Variants in FKBP5 observed in about 807,000 individuals in gnomAD.
The protein encoded by FKBP5 is FKBP prolyl isomerase 5, also known as peptidyl-prolyl cis-trans isomerase FKBP5.
A neutral mutation model predicts 50.5 loss-of-function variants in FKBP5; 23 were observed. The observed-to-expected ratio is 0.46, with a 90% CI of 0.33 to 0.65. FKBP5 has a LOEUF of 0.65. Among genes scored for constraint, FKBP5 ranks in the 30% least tolerant of loss-of-function variants. The pLI, the probability that FKBP5 is intolerant of heterozygous loss-of-function variation, is 0.02. For missense variants in FKBP5, 411 were observed against 553.1 expected (o/e 0.74, Z 2.58); for synonymous variants, 176 against 190.6 (o/e 0.92, Z 0.63).
chr6:35,635,322 G>A (rs1195221701), intron 3 of FKBP5, among the ~76,000 whole-genome samples: 1 of 152,076 alleles, frequency 6.6e-6, no homozygotes, highest in African/African-American at 2.4e-5. Flanking sequence ...GGGCAACAGA[G>A]CGAGCCAGAC....
intron 5 of FKBP5, among the ~76,000 whole-genome samples, chr6:35,601,732 G>A (rs1005816182): frequency 1.3e-5 from 2 of 152,090 alleles, no homozygotes; most frequent in African/African-American, 2.4e-5. Flanking sequence ...GGCTCAGGAG[G>A]TCTGTTGCTA....
rs184522629 is a variant in FKBP5, at chr6:35,701,444, C to T, written c.-20+18884G>A. 2.5e-3 allele frequency among the ~76,000 whole-genome samples: 386 copies of T among 151,658 alleles called. 3 individuals are homozygous for T. Among genetic ancestry groups the T allele is most frequent in the African/African-American group, 8.6e-3 (355 of 41,366 alleles). On this transcript the variant is annotated intron_variant, in intron 2 of 11. Coordinates refer to the FKBP5 transcript ENST00000536438. ...ATTTTTAGTAGAGACGGGGTTTCAC[C>T]GTTTTAGCCGGGATGGTCTCGATCT...
chr6:35,718,020 C>A (rs1214297153), intron 2 of FKBP5, among the ~76,000 whole-genome samples: 2 of 152,224 alleles, frequency 1.3e-5, no homozygotes, highest in African/African-American at 4.8e-5. Flanking sequence ...CCCTGGAAGG[C>A]TGTGCCCTAG....
At chr6:35,583,606 C>G (rs1762510819) in intron 8 of FKBP5, 4 of 972,762 alleles carry the variant, frequency 4.1e-6, no homozygotes, top group Non-Finnish European at 3.7e-6. Context: ...CCTGGCAGGT[C>G]TGGAGGCATT....
In FKBP5 at chr6:35,640,523, G is replaced by A. The variant is rs1358237027; in HGVS notation, c.105+2197C>T. ...GCCTAGGATATTACCATACACTACC[G>A]TAGACTTTATAAACACTGGACACCT... On this transcript the variant is annotated intron_variant, in intron 2 of 10. Transcript: ENST00000357266. Among the ~76,000 whole-genome samples the A allele has an allele frequency of 4.6e-5, 7 of 152,174 alleles. No individual in the cohort carries two copies. In the East Asian group the frequency reaches 5.8e-4, roughly 13 times the overall value.
At chr6:35,693,406 G>T (rs886752735), upstream of FKBP5, among the ~76,000 whole-genome samples, 1 of 151,654 alleles carries the variant, frequency 6.6e-6, no homozygotes, top group Non-Finnish European at 1.5e-5. Flanking sequence ...CTCCTGATCC[G>T]CCCGCCTCGG....
At chr6:35,718,241 A>C (rs1581904701) in intron 2 of FKBP5, among the ~76,000 whole-genome samples, 1 of 152,206 alleles carries the variant, frequency 6.6e-6, no homozygotes, top group Non-Finnish European at 1.5e-5. Flanking sequence ...AAAGGCACAG[A>C]GGCGGGAAAA....
At chr6:35,665,445 A>G (rs1314600787) in intron 1 of FKBP5, among the ~76,000 whole-genome samples, 3 of 151,700 alleles carry the variant, frequency 2.0e-5, no homozygotes, top group Non-Finnish European at 4.4e-5. Context: ...GTGCCACCAC[A>G]CCCAGCTAAT....
At chr6:35,718,089 A>T (rs1158442086) in intron 2 of FKBP5, among the ~76,000 whole-genome samples, 1 of 152,146 alleles carries the variant, frequency 6.6e-6, no homozygotes, top group Non-Finnish European at 1.5e-5. Flanking sequence ...GGAGACCTGG[A>T]TGACACCACT....
In FKBP5 at chr6:35,580,068, C is replaced by T; in HGVS notation, c.994G>A (p.Glu332Lys). ...CAGCATTCAACAGCTTTGGTGTATT[C>T]TCTAAGCTTCAGGTAGCACATGGCC... ...NLAMCYLKLREYTKAVECCDK... is the reference protein window; with the variant it reads ...NLAMCYLKLRKYTKAVECCDK... The change falls in exon 9 of 11, where the codon GAA (glutamate) becomes AAA (lysine). Residue 332 changes from glutamate (E) to lysine (K), a missense_variant. By Grantham distance (56) the Glu-to-Lys change is moderately conservative. This residue lies in a region of FKBP5 where 267 missense variants were observed against 405.9 expected (regional missense o/e 0.66). Coordinates refer to ENST00000357266, the MANE Select transcript of FKBP5 (RefSeq NM_004117.4). 6.2e-7 allele frequency: 1 copy of T among 1,614,160 alleles called. No individual in the cohort carries two copies. Among genetic ancestry groups the T allele is most frequent in the Non-Finnish European group, 8.5e-7 (1 of 1,179,992 alleles).
chr6:35,597,464 G>C, intron 5 of FKBP5, 60 bp from the exon 6 acceptor site: 1 of 1,545,450 alleles, frequency 6.5e-7, no homozygotes, highest in Non-Finnish European at 8.7e-7. Flanking sequence ...CTAATTCAGT[G>C]AAGTGATAAA....
At chr6:35,584,378 TC>T (rs759097562) in intron 8 of FKBP5, 3 of 985,336 alleles carry the variant, frequency 3.0e-6, no homozygotes, top group Non-Finnish European at 3.6e-6. Flanking sequence ...AACCAACAGA[TC>T]AATGGAAACA....
chr6:35,728,094 C>T (rs1766757912), intron 1 of FKBP5, among the ~76,000 whole-genome samples: 1 of 152,212 alleles, frequency 6.6e-6, no homozygotes, highest in Non-Finnish European at 1.5e-5. Context: ...CCTGGGCCCG[C>T]TGCCAGCGCG....
chr6:35,677,449 T>C (rs1440944711), intron 1 of FKBP5, among the ~76,000 whole-genome samples: 1 of 152,190 alleles, frequency 6.6e-6, no homozygotes, highest in Non-Finnish European at 1.5e-5. Context: ...AGTCTTCAAA[T>C]AAACCCAAAG....
intron 2 of FKBP5, among the ~76,000 whole-genome samples, chr6:35,707,648 G>A (rs1340246260): frequency 6.6e-6 from 1 of 152,034 alleles, no homozygotes; most frequent in Non-Finnish European, 1.5e-5. Context: ...TTGTCATCCA[G>A]GTACTAAGTT....
At chr6:35,689,045 T>C (rs1234154108), upstream of FKBP5, 1 of 151,770 alleles carries the variant, frequency 6.6e-6, no homozygotes, top group Admixed American at 6.6e-5. Flanking sequence ...GCGCGGGCTG[T>C]CGATCCGCCT....
At chr6:35,598,009 G>A (rs1427834564) in intron 5 of FKBP5, among the ~76,000 whole-genome samples, 1 of 152,120 alleles carries the variant, frequency 6.6e-6, no homozygotes, top group African/African-American at 2.4e-5. Context: ...TGTAAAGTGT[G>A]AAAGAATCAA....
chr6:35,665,512 A>G (rs1765191250), intron 1 of FKBP5, among the ~76,000 whole-genome samples: 1 of 151,998 alleles, frequency 6.6e-6, no homozygotes, highest in Non-Finnish European at 1.5e-5. Flanking sequence ...AATGGTCTCA[A>G]TCTCTTGACT....
At chr6:35,642,637 A>ACCCCAG (rs1449158397) in intron 2 of FKBP5, 83 bp downstream of exon 2, 1 of 1,020,742 alleles carries the variant, frequency 9.8e-7, no homozygotes, top group East Asian at 2.5e-5. Context: ...AACATTATCC[A>ACCCCAG]CCCCAGCCCC....
Sources: gnomAD v4.1 joint callset for allele counts (sites outside exome capture counted in the v4.1 genomes callset) on GRCh38, gnomAD v4.1.1 for gene constraint, gnomAD v4.1.1 regional missense constraint, MANE v1.5 for transcripts, NCBI Gene and HGNC (gene_info 2026-07-23, HGNC 2026-07-21) for gene names.